Variants in SYCP2L observed in about 807,000 individuals in gnomAD.
The protein encoded by SYCP2L is synaptonemal complex protein 2 like, also known as synaptonemal complex protein 2-like.
In SYCP2L, 98 loss-of-function variants were observed where a neutral mutation model predicts 125.8. The observed-to-expected ratio is 0.78, with a 90% CI of 0.66 to 0.92. The LOEUF is 0.92. Ranked by LOEUF, SYCP2L falls within the 40% of genes least tolerant of loss-of-function variation. The pLI is 0.00. For missense variants in SYCP2L, 842 were observed against 936.4 expected (o/e 0.90, Z 1.32); for synonymous variants, 317 against 325.4 (o/e 0.97, Z 0.28).
rs1780636052 is a variant in SYCP2L, at chr6:10,912,986, T to C, written c.1072+59T>C. 1.3e-6 allele frequency: 2 copies of C among 1,483,460 alleles called. No homozygotes were observed. Among genetic ancestry groups the C allele is most frequent in the Non-Finnish European group, 1.9e-6 (2 of 1,074,752 alleles). 91.9% of individuals were successfully genotyped at this position (1,483,460 alleles called of 1,614,324 possible). On this transcript the variant is annotated intron_variant, in intron 14 of 29. Coordinates refer to ENST00000283141, the MANE Select transcript of SYCP2L (RefSeq NM_001040274.3). The surrounding 1 kb of genome is among the most constrained non-coding windows in gnomAD (Gnocchi z 4.1). ...TTCCAAATATTATTTCTGTTGTATATGCAGTGTGTATTTATTTAATTCTAG... is the reference window on the plus strand; with the variant it reads ...TTCCAAATATTATTTCTGTTGTATACGCAGTGTGTATTTATTTAATTCTAG...
At chr6:10,898,488 C>G (rs1780322597) in intron 5 of SYCP2L, among the ~76,000 whole-genome samples, 1 of 152,088 alleles carries the variant, frequency 6.6e-6, no homozygotes, top group African/African-American at 2.4e-5. Context: ...GTACTTCAGC[C>G]TGGGAAACAA....
In SYCP2L at chr6:10,952,584, GA is replaced by G. The variant is rs5874297; in HGVS notation, c.1955-2519del. ...GCTATTGCTACAAATTTGCCACCAA[GA>G]AAAAAAAAAAAAGTTCCAGAAGGGG... On this transcript the variant is annotated intron_variant, in intron 23 of 29. Coordinates refer to ENST00000283141, the MANE Select transcript of SYCP2L (RefSeq NM_001040274.3). Among the ~76,000 whole-genome samples the G allele has an allele frequency of 2.1e-4, 30 of 144,224 alleles. No homozygotes were observed. The Middle Eastern group carries it at 0.011, about 52-fold the overall frequency. The allele number at this position is 144,224 out of a possible 152,430, so 94.6% of individuals were successfully genotyped here.
chr6:10,890,739 G>T (rs565120077), intron 1 of SYCP2L, among the ~76,000 whole-genome samples: 88 of 152,234 alleles, frequency 5.8e-4, no homozygotes, highest in African/African-American at 1.8e-3. Flanking sequence ...TGATTTTGAG[G>T]TTTTCTCCAT....
At chr6:10,945,444 A>G (rs530659475) in intron 23 of SYCP2L, among the ~76,000 whole-genome samples, 42 of 152,046 alleles carry the variant, frequency 2.8e-4, no homozygotes, top group Non-Finnish European at 5.0e-4. Flanking sequence ...GTTCTGTTCA[A>G]TTTTTGCTCC....
At chr6:10,967,454 GGTGTGTGT>G (rs3066151) in intron 29 of SYCP2L, among the ~76,000 whole-genome samples, 165 of 138,912 alleles carry the variant, frequency 1.2e-3, no homozygotes, top group African/African-American at 4.2e-3. Context: ...TGGGGTAGAG[GGTGTGTGT>G]GTGTGTGTGT....
At chr6:10,888,133 G>C (rs1780111413) in intron 1 of SYCP2L, among the ~76,000 whole-genome samples, 1 of 123,120 alleles carries the variant, frequency 8.1e-6, no homozygotes, top group African/African-American at 3.1e-5. Flanking sequence ...GTCTCATTCT[G>C]TCGCCCAGGC....
Position 10,912,928 on chromosome 6 carries a change from G to A in SYCP2L, c.1072+1G>A. 1 of 1,613,148 alleles carries A rather than the reference G, an allele frequency of 6.2e-7. No individual in the cohort carries two copies. The highest frequency in any genetic ancestry group is 8.5e-7 in the Non-Finnish European group (1 of 1,179,744). On this transcript the variant is annotated splice_donor_variant, in intron 14 of 29. Transcript: ENST00000283141. LOFTEE classifies it high-confidence loss of function. The surrounding 1 kb of genome is among the most constrained non-coding windows in gnomAD (Gnocchi z 4.1). ...GCGGTGATGAATTTCAGCATAACAG[G>A]TAATATGATACATTTAAACAACCCA...
rs1232894723 is a variant in SYCP2L, at chr6:10,954,127, A to T, written c.1955-989A>T. Among the ~76,000 whole-genome samples the T allele has an allele frequency of 2.6e-5, 4 of 152,224 alleles. No individual in the cohort carries two copies. Among genetic ancestry groups the T allele is most frequent in the Non-Finnish European group, 5.9e-5 (4 of 68,040 alleles). ...TTCATGGAATGAATTAGTGAAATTG[A>T]ATTCCAGAACTTTCAGAGAGAAAAA... is the stretch of plus-strand genomic sequence containing the variant. On this transcript the variant is annotated intron_variant, in intron 23 of 29. Coordinates refer to ENST00000283141, the MANE Select transcript of SYCP2L (RefSeq NM_001040274.3). This position sits in a 1 kb window ranked among gnomAD's most constrained non-coding sequence, Gnocchi z 4.8.
In SYCP2L at chr6:10,939,700, T is replaced by A. The variant is rs972300915; in HGVS notation, c.1814-2759T>A. ...TAAACAATGAAATTGGGCCTTTGTT[T>A]TATACCATATACAAAAATCAACTCA... On this transcript the variant is annotated intron_variant, in intron 21 of 29. Coordinates refer to ENST00000283141, the MANE Select transcript of SYCP2L (RefSeq NM_001040274.3). Among the ~76,000 whole-genome samples, 8 of 152,346 alleles carry A rather than the reference T, an allele frequency of 5.3e-5. No homozygotes were observed. In the East Asian group the frequency reaches 1.5e-3, roughly 29 times the overall value.
At chr6:10,908,699 A>G (rs566032960) in intron 10 of SYCP2L, among the ~76,000 whole-genome samples, 1 of 152,312 alleles carries the variant, frequency 6.6e-6, no homozygotes, top group East Asian at 1.9e-4. Flanking sequence ...ATGGACCTTT[A>G]TATTTCCTCA....
intron 8 of SYCP2L, among the ~76,000 whole-genome samples, chr6:10,903,557 T>C (rs1300090719): frequency 6.6e-6 from 1 of 151,082 alleles, no homozygotes; most frequent in Non-Finnish European, 1.5e-5. Context: ...CTTAAAATAA[T>C]AATAATAAAA....
At chr6:10,890,787 C>T (rs1309985448) in intron 1 of SYCP2L, among the ~76,000 whole-genome samples, 2 of 152,052 alleles carry the variant, frequency 1.3e-5, no homozygotes, top group Non-Finnish European at 2.9e-5. Flanking sequence ...AAGTGTTTCC[C>T]CTATATTTTA....
rs971644171 is a variant in SYCP2L at position 10,897,664 on chromosome 6, G to A, written c.337-347G>A. 3.9e-5 allele frequency among the ~76,000 whole-genome samples: 6 copies of A among 152,174 alleles called. No individual in the cohort carries two copies. In the South Asian group the frequency reaches 6.2e-4, roughly 16 times the overall value. On this transcript the variant is annotated intron_variant, in intron 4 of 29. Coordinates refer to ENST00000283141, the MANE Select transcript of SYCP2L (RefSeq NM_001040274.3). ...TGGCCTCAAGTGATCCACCTGTCTC[G>A]GCCTCTCAAAGTGCTGGGATTACAG... is the stretch of plus-strand genomic sequence containing the variant.
intron 14 of SYCP2L, among the ~76,000 whole-genome samples, chr6:10,921,512 C>T (rs760805260): frequency 1.3e-5 from 2 of 152,156 alleles, no homozygotes; most frequent in Non-Finnish European, 2.9e-5. Flanking sequence ...GTAAAGTCTT[C>T]CTTTTTCTCC....
In SYCP2L at chr6:10,930,399, T is replaced by C; in HGVS notation, c.1518T>C (p.Ser506=). The change falls in exon 19 of 30, where the codon TCT becomes TCC. Residue 506 remains serine (S), a synonymous_variant. Coordinates refer to ENST00000283141, the MANE Select transcript of SYCP2L (RefSeq NM_001040274.3). The part of the protein sequence containing the change: ...PKSHYRKHLF[S]ESNQDSSTSE... ...CTCATTACAGAAAACATCTCTTCTC[T>C]GAGAGTAATCAAGATTCAAGTACCA... The C allele has an allele frequency of 6.2e-7, 1 of 1,613,440 alleles. No individual in the cohort carries two copies. The highest frequency in any genetic ancestry group is 8.5e-7 in the Non-Finnish European group (1 of 1,179,772).
intron 20 of SYCP2L, 145 bp downstream of exon 20, chr6:10,931,634 C>A: frequency 1.2e-6 from 1 of 808,092 alleles, no homozygotes; most frequent in South Asian, 1.8e-5. Flanking sequence ...TCAAGGTCTT[C>A]TAAATGTTTA....
intron 29 of SYCP2L, among the ~76,000 whole-genome samples, chr6:10,972,679 CCT>C (rs1561705862): frequency 3.3e-5 from 5 of 152,268 alleles, no homozygotes; most frequent in Middle Eastern, 3.4e-3. Context: ...AACATCCTCC[CCT>C]CTTTCGCTTT....
intron 21 of SYCP2L, among the ~76,000 whole-genome samples, chr6:10,941,464 C>G (rs1252234040): frequency 6.6e-6 from 1 of 152,148 alleles, no homozygotes; most frequent in Non-Finnish European, 1.5e-5. Context: ...AAGAAAAAAA[C>G]AACCCCATCC....
chr6:10,907,397 A>T (rs1340473283), intron 9 of SYCP2L, 145 bp from the exon 10 acceptor site: 1 of 585,988 alleles, frequency 1.7e-6, no homozygotes, highest in Non-Finnish European at 2.9e-6. Flanking sequence ...TTACTCCAGG[A>T]TGCATTTTGC....
Sources: gnomAD v4.1 joint callset for allele counts (sites outside exome capture counted in the v4.1 genomes callset) on GRCh38, gnomAD v4.1.1 for gene constraint, Gnocchi (gnomAD v3.1) non-coding constraint, MANE v1.5 for transcripts, NCBI Gene and HGNC (gene_info 2026-07-23, HGNC 2026-07-21) for gene names.